TENM2: variants seen among roughly 807,000 people sequenced by gnomAD.
TENM2 encodes the protein teneurin-2.
TENM2 carries 52 observed loss-of-function variants against 245.2 expected under a neutral mutation model. That is an observed-to-expected ratio of 0.21 (90% CI 0.17 to 0.27). The LOEUF (loss-of-function observed/expected upper bound fraction) is 0.27. TENM2 is among the 10% of genes least tolerant of loss of function. The pLI is 1.00. For synonymous variants in TENM2, 1,363 were observed against 1,438.9 expected, an observed-to-expected ratio of 0.95 and a Z score of 1.19; for missense variants, 3,046 against 3,666.8, an observed-to-expected ratio of 0.83 and a Z score of 4.37.
At chr5:167,856,502 C>T (rs1771110789) in intron 2 of TENM2, among the ~76,000 whole-genome samples, 2 of 152,096 alleles carry the variant, frequency 1.3e-5, no homozygotes, top group Non-Finnish European at 2.9e-5. Context: ...TGACATGTTT[C>T]CTTTAAATAA....
At chr5:167,267,390 T>G in the TENM2 span, among the ~76,000 whole-genome samples, 1 of 152,196 alleles carries the variant, frequency 6.6e-6, no homozygotes, top group Non-Finnish European at 1.5e-5. Flanking sequence ...GAGTGGCCCC[T>G]TATTTTTATA....
the TENM2 span, among the ~76,000 whole-genome samples, chr5:167,029,420 A>G: frequency 6.6e-6 from 1 of 152,170 alleles, no homozygotes; most frequent in Non-Finnish European, 1.5e-5. Context: ...GGTGAAATTG[A>G]TGCTTTAGTT....
intron 2 of TENM2, among the ~76,000 whole-genome samples, chr5:167,815,508 T>C (rs1320632563): frequency 6.6e-6 from 1 of 152,138 alleles, no homozygotes; most frequent in Non-Finnish European, 1.5e-5. Flanking sequence ...TCAAATACAA[T>C]TGTGTCTGAC....
At chr5:168,013,360 T>A (rs1449166059) in intron 5 of TENM2, among the ~76,000 whole-genome samples, 1 of 152,090 alleles carries the variant, frequency 6.6e-6, no homozygotes, top group Non-Finnish European at 1.5e-5. Context: ...TCCTAGCACT[T>A]TGGGAGACTG....
chr5:168,013,468 G>A (rs533087270), intron 5 of TENM2, among the ~76,000 whole-genome samples: 12 of 152,212 alleles, frequency 7.9e-5, no homozygotes, highest in African/African-American at 2.9e-4. Flanking sequence ...GCCAGGCCTG[G>A]TGGCACATGC....
chr5:168,022,494 G>A (rs559053877), intron 5 of TENM2, among the ~76,000 whole-genome samples: 52 of 152,338 alleles, frequency 3.4e-4, no homozygotes, highest in South Asian at 6.2e-4. Context: ...GCCATGAGGC[G>A]CTGCATCCGG....
At chr5:167,588,544 ATACTTAGT>A (rs1178292094) in intron 2 of TENM2, among the ~76,000 whole-genome samples, 3 of 152,198 alleles carry the variant, frequency 2.0e-5, no homozygotes, top group Non-Finnish European at 4.4e-5. Flanking sequence ...TTTTCTTTTG[ATACTTAGT>A]TACTTAGTTA....
At chr5:167,180,544 GTCACCAACT>G in the TENM2 span, among the ~76,000 whole-genome samples, 1 of 152,124 alleles carries the variant, frequency 6.6e-6, no homozygotes, top group Admixed American at 6.5e-5. Context: ...AGGGGTTAGT[GTCACCAACT>G]TCACCTTGCA....
chr5:166,979,194 C>CCACCACCAG, the TENM2 span, among the ~76,000 whole-genome samples: 249 of 142,130 alleles, frequency 1.8e-3, no homozygotes, highest in African/African-American at 6.7e-3. Flanking sequence ...AGCACCACCA[C>CCACCACCAG]CAGCAGCAGC....
intron 2 of TENM2, among the ~76,000 whole-genome samples, chr5:167,851,723 G>A (rs543111539): frequency 2.0e-5 from 3 of 152,282 alleles, no homozygotes; most frequent in Admixed American, 1.3e-4. Flanking sequence ...GCTGAGGACC[G>A]CCAGAGATTC....
intron 3 of TENM2, chr5:167,934,980 G>A: frequency 1.1e-6 from 1 of 923,626 alleles, no homozygotes; most frequent in Non-Finnish European, 1.3e-6. Context: ...AAGGGGGTGG[G>A]AAAGAAAACA....
At chr5:168,219,580 C>T (rs563600816) in intron 23 of TENM2, among the ~76,000 whole-genome samples, 3 of 152,252 alleles carry the variant, frequency 2.0e-5, no homozygotes, top group African/African-American at 7.2e-5. Flanking sequence ...CTAGCTCCTG[C>T]AGGCAGTTCT....
At chr5:167,993,262 C>T in intron 5 of TENM2, 80 bp downstream of exon 7, 2 of 1,128,744 alleles carry the variant, frequency 1.8e-6, no homozygotes, top group East Asian at 2.4e-5. Flanking sequence ...AATCTAGAGG[C>T]CCTCTGATGT....
intron 2 of TENM2, among the ~76,000 whole-genome samples, chr5:167,564,183 G>C (rs767619022): frequency 4.6e-5 from 7 of 152,222 alleles, no homozygotes; most frequent in Non-Finnish European, 7.3e-5. Context: ...AGGGAGGATG[G>C]AGAATTGGGG....
intron 2 of TENM2, among the ~76,000 whole-genome samples, chr5:167,582,225 A>G (rs1377097581): frequency 6.6e-6 from 1 of 152,240 alleles, no homozygotes; most frequent in East Asian, 1.9e-4. Flanking sequence ...GCATTCAATC[A>G]AGCAAAGAAT....
intron 2 of TENM2, among the ~76,000 whole-genome samples, chr5:167,691,855 G>C (rs907320357): frequency 3.3e-5 from 5 of 152,138 alleles, no homozygotes; most frequent in African/African-American, 1.2e-4. Flanking sequence ...GCATAGCCCT[G>C]GTCCCAAACC....
chr5:167,297,301 G>A (rs781474985), intron 1 of TENM2, among the ~76,000 whole-genome samples: 6 of 152,114 alleles, frequency 3.9e-5, no homozygotes, highest in African/African-American at 9.7e-5. Flanking sequence ...AACCACTATC[G>A]AGTAATCATT....
At chr5:167,608,291 TG>T (rs1777201620) in intron 2 of TENM2, among the ~76,000 whole-genome samples, 1 of 152,196 alleles carries the variant, frequency 6.6e-6, no homozygotes, top group African/African-American at 2.4e-5. Context: ...TGGCTCATCT[TG>T]GGGACTGTCT....
intron 2 of TENM2, among the ~76,000 whole-genome samples, chr5:167,568,839 G>A (rs1034210062): frequency 2.0e-5 from 3 of 151,952 alleles, no homozygotes; most frequent in African/African-American, 7.3e-5. Flanking sequence ...TAGCCAGAGA[G>A]AAAATAAAAG....
Sources: allele counts gnomAD v4.1 joint callset (sites outside exome capture counted in the v4.1 genomes callset), GRCh38; gene constraint gnomAD v4.1.1; transcripts MANE v1.5; gene names NCBI Gene and HGNC (gene_info 2026-07-23, HGNC 2026-07-21).